The following IMPA2 variants were observed in gnomAD, a reference collection of about 807,000 sequenced individuals.
IMPA2 encodes the protein IMP 2.
IMPA2 carries 32 observed loss-of-function variants against 35.1 expected under a neutral mutation model. The ratio of observed to expected loss-of-function variants is 0.91; its 90% CI spans 0.69 to 1.23. The LOEUF (loss-of-function observed/expected upper bound fraction) is 1.23. Ranked by LOEUF, IMPA2 falls within the 50% of genes most tolerant of loss-of-function variation. IMPA2 has a pLI of 0.00. For missense variants in IMPA2, 334 were observed against 387.6 expected (o/e 0.86, Z 1.16); for synonymous variants, 135 against 160.6 (o/e 0.84, Z 1.20).
chr18:12,030,309 A>C, intron 7 of IMPA2, 34 bp from the exon 8 acceptor site: 1 of 1,532,526 alleles, frequency 6.5e-7, no homozygotes, highest in Non-Finnish European at 9.0e-7. Context: ...CTCTCTGGTA[A>C]CCCGGATGCC....
chr18:12,028,419 G>C (rs2143829340), intron 6 of IMPA2: 1 of 499,342 alleles, frequency 2.0e-6, no homozygotes, highest in African/African-American at 1.9e-5. Flanking sequence ...AGCGAATGGT[G>C]CAAATACTTA....
chr18:12,023,173 A>C (rs1907784468), intron 5 of IMPA2, among the ~76,000 whole-genome samples: 1 of 152,180 alleles, frequency 6.6e-6, no homozygotes, highest in Non-Finnish European at 1.5e-5. Flanking sequence ...TGGCCAGAAG[A>C]AGAAGGTGCT....
In IMPA2 at chr18:12,030,750, T is replaced by C. The variant is rs1016299204; in HGVS notation, c.*292T>C. The C allele has an allele frequency of 2.5e-5, 9 of 356,142 alleles. No individual in the cohort carries two copies. Among genetic ancestry groups the C allele is most frequent in the Admixed American group, 4.5e-5 (1 of 22,354 alleles). 22.1% of individuals were successfully genotyped at this position (356,142 alleles called of 1,614,324 possible). ...TCTCCTGTGAAATACGTATTGATAA[T>C]CCAATCTTGATTTTTCCCCCCAGAA... On this transcript the variant is annotated 3_prime_UTR_variant, in exon 8 of 8. Coordinates refer to ENST00000269159, the MANE Select transcript of IMPA2 (RefSeq NM_014214.3).
Position 12,030,377 on chromosome 18 carries a change from T to G in IMPA2, c.786T>G (p.Val262=), listed in dbSNP as rs1316225534. Residue 262 remains valine, a synonymous_variant, in exon 8 of 8, where the codon GTT becomes GTG. Transcript: ENST00000269159. The part of the protein sequence containing the change: ...GPLDLMACRV[V]AASTREMAML... ...TCGACCTCATGGCTTGCAGAGTGGT[T>G]GCGGCCAGCACCCGGGAGATGGCGA... The G allele has an allele frequency of 1.9e-6, 3 of 1,614,220 alleles. No individual in the cohort carries two copies. Among genetic ancestry groups the G allele is most frequent in the African/African-American group, 2.7e-5 (2 of 75,062 alleles).
intron 7 of IMPA2, among the ~76,000 whole-genome samples, chr18:12,029,377 G>A (rs1250458219): frequency 6.6e-6 from 1 of 151,622 alleles, no homozygotes; most frequent in African/African-American, 2.4e-5. Context: ...GTCTCCCAAA[G>A]TGCTGGAATT....
intron 3 of IMPA2, 79 bp from the exon 4 acceptor site, chr18:12,012,091 G>T: frequency 7.5e-7 from 1 of 1,341,238 alleles, no homozygotes; most frequent in Non-Finnish European, 1.1e-6. Context: ...CTGAGCCTGC[G>T]GGGAGCCGCA....
In IMPA2 at chr18:11,998,160, G is replaced by C. The variant is rs1907012566; in HGVS notation, c.97-894G>C. Among the ~76,000 whole-genome samples the C allele has an allele frequency of 2.0e-5, 3 of 152,328 alleles. No individual in the cohort carries two copies. In the South Asian group the frequency reaches 6.2e-4, roughly 32 times the overall value. ...TCGGCCTGGGTGACAGAGAGACCCA[G>C]TCTGTAAAACAAAACAAAGCAAAAC... On this transcript the variant is annotated intron_variant, in intron 1 of 7. Coordinates refer to ENST00000269159, the MANE Select transcript of IMPA2 (RefSeq NM_014214.3).
intron 2 of IMPA2, among the ~76,000 whole-genome samples, chr18:12,007,702 C>T (rs1326380899): frequency 7.8e-6 from 1 of 127,520 alleles, no homozygotes; most frequent in African/African-American, 3.0e-5. Flanking sequence ...TCTTTCCTTT[C>T]TTCCCTCCTT....
intron 2 of IMPA2, among the ~76,000 whole-genome samples, chr18:12,002,486 C>T (rs1907139550): frequency 6.6e-6 from 1 of 152,062 alleles, no homozygotes; most frequent in Non-Finnish European, 1.5e-5. Flanking sequence ...GTTTAAACTT[C>T]CTTCTGGTGG....
intron 1 of IMPA2, among the ~76,000 whole-genome samples, chr18:11,997,389 G>C (rs1256385574): frequency 1.3e-5 from 2 of 152,252 alleles, no homozygotes; most frequent in Non-Finnish European, 2.9e-5. Context: ...ATGAAGTCCT[G>C]GAGTTATGGC....
chr18:11,986,693 C>G (rs1221228699), intron 1 of IMPA2, among the ~76,000 whole-genome samples: 1 of 152,192 alleles, frequency 6.6e-6, no homozygotes, highest in Non-Finnish European at 1.5e-5. Flanking sequence ...AACAGCAGCA[C>G]CTGGCCCACA....
chr18:12,025,291 T>G (rs774032835), intron 5 of IMPA2, among the ~76,000 whole-genome samples: 5 of 152,236 alleles, frequency 3.3e-5, no homozygotes, highest in African/African-American at 4.8e-5. Context: ...ACATCTTGGT[T>G]GCTTCTAAGT....
At chr18:12,008,152 C>A (rs542526101) in intron 2 of IMPA2, among the ~76,000 whole-genome samples, 18 of 152,094 alleles carry the variant, frequency 1.2e-4, no homozygotes, top group Admixed American at 2.6e-4. Context: ...CCCACCACCA[C>A]GCCCAGCTAA....
intron 2 of IMPA2, among the ~76,000 whole-genome samples, chr18:12,000,289 C>T (rs868265315): frequency 6.6e-6 from 1 of 150,496 alleles, no homozygotes; most frequent in African/African-American, 2.4e-5. Context: ...CCTCCTGCTT[C>T]AGCCTCCTGA....
intron 2 of IMPA2, chr18:12,008,656 G>A (rs1178629415): frequency 2.6e-5 from 11 of 427,338 alleles, no homozygotes; most frequent in African/African-American, 1.0e-4. Context: ...TGTGGGTGGG[G>A]TGCAGGAGGA....
At chr18:11,999,929 TC>T (rs1008093940) in intron 2 of IMPA2, among the ~76,000 whole-genome samples, 5 of 152,206 alleles carry the variant, frequency 3.3e-5, no homozygotes, top group African/African-American at 1.2e-4. Flanking sequence ...CTCTCTCACC[TC>T]TAGAGTTCTG....
intron 2 of IMPA2, among the ~76,000 whole-genome samples, chr18:11,999,971 T>C (rs563441443): frequency 6.6e-6 from 1 of 152,276 alleles, no homozygotes; most frequent in South Asian, 2.1e-4. Context: ...ATGCAAGGGA[T>C]CTTTTTTCTT....
intron 4 of IMPA2, among the ~76,000 whole-genome samples, chr18:12,013,919 C>T (rs1301588960): frequency 6.6e-6 from 1 of 152,200 alleles, no homozygotes; most frequent in Admixed American, 6.5e-5. Flanking sequence ...TCACAAGTAA[C>T]ATTCTTTTTT....
At chr18:11,987,818 G>A (rs9962218) in intron 1 of IMPA2, among the ~76,000 whole-genome samples, 4,424 of 152,172 alleles carry the variant, frequency 0.029, 226 homozygotes, top group African/African-American at 0.1. Context: ...TAAAGAGGAT[G>A]TACCAAGTTA....
Sources: gnomAD v4.1 joint callset for allele counts (sites outside exome capture counted in the v4.1 genomes callset) on GRCh38, gnomAD v4.1.1 for gene constraint, MANE v1.5 for transcripts, NCBI Gene and HGNC (gene_info 2026-07-23, HGNC 2026-07-21) for gene names.